The following CNGA3 variants were observed in gnomAD, a reference collection of about 807,000 sequenced individuals.
CNGA3 encodes the protein cyclic nucleotide-gated channel alpha-3.
Under a neutral mutation model 46.6 loss-of-function variants are expected in CNGA3, and 42 were observed. The ratio of observed to expected loss-of-function variants is 0.90; its 90% CI spans 0.70 to 1.17. The LOEUF (loss-of-function observed/expected upper bound fraction) is 1.17. Among genes scored for constraint, CNGA3 ranks in the 50% most tolerant of loss-of-function variants. The pLI, the probability that CNGA3 is intolerant of heterozygous loss-of-function variation, is 0.00. For missense variants in CNGA3, 893 were observed against 890.7 expected (o/e 1.00, Z -0.03); for synonymous variants, 394 against 369.4 (o/e 1.07, Z -0.76).
At chr2:98,366,504 C>G (rs897028250) in intron 1 of CNGA3, among the ~76,000 whole-genome samples, 1 of 152,222 alleles carries the variant, frequency 6.6e-6, no homozygotes, top group African/African-American at 2.4e-5. Context: ...GGGGAGAGAC[C>G]AAGTCCACTA....
At chr2:98,383,607 CAGA>C (rs2104214307) in intron 5 of CNGA3, among the ~76,000 whole-genome samples, 166 bp downstream of exon 5, 1 of 152,316 alleles carries the variant, frequency 6.6e-6, no homozygotes, top group South Asian at 2.1e-4. Context: ...TCCCTGTGGA[CAGA>C]AGTCGGGGAG....
At chr2:98,356,469 G>A (rs529054523) in intron 1 of CNGA3, among the ~76,000 whole-genome samples, 13 of 152,222 alleles carry the variant, frequency 8.5e-5, no homozygotes, top group Non-Finnish European at 1.5e-4. Context: ...TTGAGATTTC[G>A]GCTTGTTTGC....
intron 3 of CNGA3, chr2:98,378,179 G>C: frequency 6.4e-7 from 1 of 1,550,558 alleles, no homozygotes; most frequent in Non-Finnish European, 8.7e-7. Context: ...GTCTGAAATG[G>C]CTCTGGCAGG....
intron 7 of CNGA3, among the ~76,000 whole-genome samples, chr2:98,393,896 G>T (rs943278158): frequency 5.3e-5 from 8 of 151,752 alleles, no homozygotes; most frequent in Non-Finnish European, 1.0e-4. Context: ...CCTCAGTAAC[G>T]CATGTATAAC....
At chr2:98,353,379 T>C (rs1439391904) in intron 1 of CNGA3, among the ~76,000 whole-genome samples, 2 of 152,242 alleles carry the variant, frequency 1.3e-5, no homozygotes, top group East Asian at 3.8e-4. Flanking sequence ...TAGGTTCATA[T>C]TCACACACAA....
chr2:98,391,314 T>G (rs1476116701), intron 6 of CNGA3, among the ~76,000 whole-genome samples: 3 of 152,040 alleles, frequency 2.0e-5, no homozygotes, highest in Non-Finnish European at 4.4e-5. Flanking sequence ...GGCACTGTTC[T>G]CCTTCAGGTG....
intron 2 of CNGA3, among the ~76,000 whole-genome samples, chr2:98,374,555 G>C (rs1692362348): frequency 6.6e-6 from 1 of 152,190 alleles, no homozygotes; most frequent in African/African-American, 2.4e-5. Context: ...TTCCATTCCT[G>C]CATTAGTCGC....
rs1574393185 is a variant in CNGA3, at chr2:98,398,317, T to C, written c.*1062T>C. On this transcript the variant is annotated 3_prime_UTR_variant, in exon 8 of 8. Transcript: ENST00000272602. ...CCCAGTAAATATAATTTCATTAACA[T>C]TTTATAACAGATTTATATTTTTGAG... The C allele has an allele frequency of 1.3e-5, 2 of 152,198 alleles. No individual in the cohort carries two copies. Among genetic ancestry groups the C allele is most frequent in the South Asian group, 4.1e-4 (2 of 4,832 alleles). 9.4% of individuals were successfully genotyped at this position (152,198 alleles called of 1,614,324 possible).
intron 5 of CNGA3, among the ~76,000 whole-genome samples, chr2:98,385,203 G>T (rs1692624981): frequency 6.6e-6 from 1 of 152,156 alleles, no homozygotes. Flanking sequence ...GGCAAGCTGA[G>T]TCCGGCGTAA....
intron 1 of CNGA3, among the ~76,000 whole-genome samples, chr2:98,367,258 G>A (rs571008908): frequency 3.4e-5 from 5 of 148,514 alleles, no homozygotes; most frequent in South Asian, 2.1e-4. Flanking sequence ...GCAGTGGCGC[G>A]ATCTCGGCTC....
rs534095098 is a variant in CNGA3, at chr2:98,397,255, A to C, written c.2085A>C (p.Ter695CysextTer31). The change falls in exon 8 of 8, where the codon TGA becomes TGC. Residue 695 changes from the stop codon to cysteine (C), a stop_lost. Coordinates refer to ENST00000272602, the MANE Select transcript of CNGA3 (RefSeq NM_001298.3). ...DATKTEDKQQ[*>C] ...CAAAAACAGAGGACAAACAACAGTGAAAATGCAGCATCTGTCTCCTGCTTC... is the reference window on the plus strand; with the variant it reads ...CAAAAACAGAGGACAAACAACAGTGCAAATGCAGCATCTGTCTCCTGCTTC... The C allele has an allele frequency of 1.2e-6, 2 of 1,613,520 alleles. No individual in the cohort carries two copies. Among genetic ancestry groups the C allele is most frequent in the South Asian group, 2.2e-5 (2 of 91,068 alleles).
chr2:98,347,987 TG>T (rs942624515), intron 1 of CNGA3, among the ~76,000 whole-genome samples: 6 of 152,114 alleles, frequency 3.9e-5, no homozygotes, highest in African/African-American at 1.4e-4. Context: ...AGAGGAGAGA[TG>T]GTCACTTGTG....
At position 98,369,883 on chromosome 2, in the gene CNGA3, G is replaced by C. The variant is rs921844203; in HGVS notation, c.-37-56G>C. ...GGTAGCCCTTGCCCTTGATGAGCTG[G>C]GTTTGCAGTTACTTTCCTGTCCTGA... On this transcript the variant is annotated intron_variant, in intron 1 of 7. Transcript: ENST00000272602. 30 of 1,150,448 alleles carry C rather than the reference G, an allele frequency of 2.6e-5. No homozygotes were observed. In the African/African-American group the frequency reaches 4.1e-4, roughly 16 times the overall value. 71.3% of individuals were successfully genotyped at this position (1,150,448 alleles called of 1,614,324 possible).
chr2:98,387,858 G>A (rs1248039399), intron 5 of CNGA3, among the ~76,000 whole-genome samples: 1 of 152,184 alleles, frequency 6.6e-6, no homozygotes, highest in East Asian at 1.9e-4. Flanking sequence ...CATTCAGAAC[G>A]GAGAGCCTGG....
At chr2:98,370,170 G>C (rs1379536107) in intron 2 of CNGA3, 94 bp downstream of exon 2, 5 of 1,042,746 alleles carry the variant, frequency 4.8e-6, no homozygotes. Context: ...CCTTCACGTT[G>C]GCCAGCCACA....
chr2:98,350,374 T>A lies in CNGA3; in HGVS notation c.-38+3840T>A, dbSNP rs145974709. 1.1e-4 allele frequency among the ~76,000 whole-genome samples: 16 copies of A among 152,332 alleles called. No individual in the cohort carries two copies. The East Asian group carries it at 3.1e-3, about 29-fold the overall frequency. On this transcript the variant is annotated intron_variant, in intron 1 of 7. Coordinates refer to ENST00000272602, the MANE Select transcript of CNGA3 (RefSeq NM_001298.3). ...TTACCTCCTTATAAAATAAAAGCAATGTGTTACTTTTATAATCACACCACA... is the reference window on the plus strand; with the variant it reads ...TTACCTCCTTATAAAATAAAAGCAAAGTGTTACTTTTATAATCACACCACA...
intron 1 of CNGA3, among the ~76,000 whole-genome samples, chr2:98,366,865 C>A (rs2104165391): frequency 6.6e-6 from 1 of 152,338 alleles, no homozygotes; most frequent in African/African-American, 2.4e-5. Context: ...TGCTTGAGAC[C>A]CAAGGCCCTG....
At chr2:98,380,715 A>C (rs953032759) in intron 4 of CNGA3, among the ~76,000 whole-genome samples, 7 of 152,052 alleles carry the variant, frequency 4.6e-5, no homozygotes, top group Non-Finnish European at 7.4e-5. Flanking sequence ...CCCGTCCTAG[A>C]CTCCACTATG....
intron 1 of CNGA3, among the ~76,000 whole-genome samples, chr2:98,366,413 G>A (rs1574366967): frequency 6.6e-6 from 1 of 152,348 alleles, no homozygotes; most frequent in Middle Eastern, 3.4e-3. Flanking sequence ...AAGCACTCTG[G>A]CTGACTCTTA....
Sources: allele counts gnomAD v4.1 joint callset (sites outside exome capture counted in the v4.1 genomes callset), GRCh38; gene constraint gnomAD v4.1.1; transcripts MANE v1.5; gene names NCBI Gene and HGNC (gene_info 2026-07-23, HGNC 2026-07-21).